HSPG2: variants seen among roughly 807,000 people sequenced by gnomAD.
HSPG2 encodes basement membrane-specific heparan sulfate proteoglycan core protein.
A neutral mutation model predicts 526.6 loss-of-function variants in HSPG2; 278 were observed. The ratio of observed to expected loss-of-function variants is 0.53; its 90% CI spans 0.48 to 0.58. HSPG2 has a LOEUF of 0.58. HSPG2 is among the 20% of genes least tolerant of loss of function. HSPG2 has a pLI of 0.00. For missense variants in HSPG2, 5,354 were observed against 6,099.5 expected (o/e 0.88, Z 4.07); for synonymous variants, 2,465 against 2,555.4 (o/e 0.96, Z 1.07).
intron 11 of HSPG2, 30 bp from the exon 12 acceptor site, chr1:21,884,948 C>G: frequency 6.2e-7 from 1 of 1,613,972 alleles, no homozygotes; most frequent in Non-Finnish European, 8.5e-7. Flanking sequence ...GTGGTAGGAT[C>G]TGGCCTAGGG....
At position 21,874,519 on chromosome 1, in the gene HSPG2, G is replaced by A. The variant is rs375029322; in HGVS notation, c.3543C>T (p.His1181=). 1.1e-4 allele frequency: 172 copies of A among 1,613,580 alleles called. No individual in the cohort carries two copies. Among genetic ancestry groups the A allele is most frequent in the Middle Eastern group, 1.7e-4 (1 of 5,860 alleles). ...ETGACQGCQH[H]TEGPRCEQCQ... is the part of the protein sequence containing the mutation. ...ACTGCTCACACCGAGGGCCCTCCGT[G>A]TGATGCTGGCAGCCCTGGAGGAGCA... Residue 1181 remains histidine (H), a synonymous_variant, in exon 28 of 97, where the codon CAC becomes CAT. Transcript: ENST00000374695.
intron 1 of HSPG2, among the ~76,000 whole-genome samples, chr1:21,922,305 G>A (rs1644062270): frequency 6.6e-6 from 1 of 152,194 alleles, no homozygotes; most frequent in Non-Finnish European, 1.5e-5. Flanking sequence ...TATGCCTCCT[G>A]CCTATGACAC....
chr1:21,855,525 T>C lies in HSPG2; in HGVS notation c.5852A>G (p.His1951Arg). The change falls in exon 46 of 97, where the codon CAT becomes CGT. Residue 1951 changes from histidine to arginine, a missense_variant and splice_region_variant. Physicochemically the swap from His to Arg is conservative, Grantham distance 29. Transcript: ENST00000374695. ...QQVARAVLHV[H>R]GGGGPRVQVS... ...CCACCCTGAGCCCGGCCTCTCACCA[T>C]GCACGTGGAGCACAGCCCTGGCCAC... 6.2e-7 allele frequency: 1 copy of C among 1,609,488 alleles called. No individual in the cohort carries two copies. The highest frequency in any genetic ancestry group is 8.5e-7 in the Non-Finnish European group (1 of 1,178,742).
At chr1:21,929,698 T>G (rs1051412619) in intron 1 of HSPG2, among the ~76,000 whole-genome samples, 1 of 151,722 alleles carries the variant, frequency 6.6e-6, no homozygotes, top group African/African-American at 2.4e-5. Context: ...CCACTCCTCC[T>G]GGAACTTTCC....
At position 21,872,724 on chromosome 1, in the gene HSPG2, G is replaced by A. The variant is rs1239258535; in HGVS notation, c.3925C>T (p.Pro1309Ser). ...VEGLTCSHCR[P>S]HHFHLSASNP... ...CTGGCACTCAGGTGGAAGTGGTGGGGCCGGCAGTGGCTGCAAGTGAGGCCT... is the reference window on the plus strand; with the variant it reads ...CTGGCACTCAGGTGGAAGTGGTGGGACCGGCAGTGGCTGCAAGTGAGGCCT... Residue 1309 changes from proline to serine, a missense_variant, in exon 32 of 97, where the codon CCC becomes TCC. Transcript: ENST00000374695. This position sits in a 1 kb window ranked among gnomAD's most constrained non-coding sequence, Gnocchi z 5.5. 1 of 1,609,448 alleles carries A rather than the reference G, an allele frequency of 6.2e-7. No homozygotes were observed. The highest frequency in any genetic ancestry group is 8.5e-7 in the Non-Finnish European group (1 of 1,178,692).
chr1:21,833,934 C>A lies in HSPG2; in HGVS notation c.10721-9G>T, dbSNP rs529544718. On this transcript the variant is annotated splice_polypyrimidine_tract_variant and intron_variant, in intron 77 of 96. Transcript: ENST00000374695. Reference sequence around the variant, plus strand: ...TGAGATCTGGGGCAAGGCTGAGAGGCATGGAAGAGACATAGGCCATCAACA... The same window carrying A: ...TGAGATCTGGGGCAAGGCTGAGAGGAATGGAAGAGACATAGGCCATCAACA... The A allele has an allele frequency of 2.6e-6, 4 of 1,559,656 alleles. No individual in the cohort carries two copies. Among genetic ancestry groups the A allele is most frequent in the East Asian group, 2.4e-5 (1 of 42,350 alleles).
Position 21,828,684 on chromosome 1 carries a change from G to A in HSPG2, c.12237+151C>T. On this transcript the variant is annotated intron_variant, in intron 88 of 96. Transcript: ENST00000374695. The surrounding 1 kb of genome is among the most constrained non-coding windows in gnomAD (Gnocchi z 6.0). ...TGATCATGCCCATTTTACAGAGGAGGAAACTGAGGCTCAGAGGTACAGTGT... is the reference window on the plus strand; with the variant it reads ...TGATCATGCCCATTTTACAGAGGAGAAAACTGAGGCTCAGAGGTACAGTGT... The A allele has an allele frequency of 8.5e-7, 1 of 1,179,238 alleles. No individual in the cohort carries two copies. Among genetic ancestry groups the A allele is most frequent in the Non-Finnish European group, 1.2e-6 (1 of 825,250 alleles). 73.0% of individuals were successfully genotyped at this position (1,179,238 alleles called of 1,614,324 possible).
chr1:21,834,570 G>GTCC, intron 77 of HSPG2, 109 bp downstream of exon 77: 1 of 1,325,872 alleles, frequency 7.5e-7, no homozygotes, highest in Non-Finnish European at 1.1e-6. Context: ...AATGGAAAAT[G>GTCC]TCCCAAGTGA....
chr1:21,830,822 CAG>C (rs767620853), intron 85 of HSPG2, 158 bp downstream of exon 85: 264 of 631,550 alleles, frequency 4.2e-4, no homozygotes, highest in Non-Finnish European at 4.8e-4. Context: ...CTTCGGGTAG[CAG>C]AGATGGGGGA....
chr1:21,825,861 C>G (rs2097971878), intron 91 of HSPG2, among the ~76,000 whole-genome samples: 1 of 152,146 alleles, frequency 6.6e-6, no homozygotes, highest in Admixed American at 6.5e-5. Context: ...TCTTGGTTCA[C>G]TACAACCCCC....
chr1:21,851,522 CCTGT>C lies in HSPG2; in HGVS notation c.7158+20_7158+23del. On this transcript the variant is annotated intron_variant, in intron 55 of 96. Coordinates refer to ENST00000374695, the MANE Select transcript of HSPG2 (RefSeq NM_005529.7). ...CCAGGGACCCGCTTCCTCTTCTTGG[CCTGT>C]CTGTCCTCCAGTCCCATACCTGGTG... 2.5e-6 allele frequency: 4 copies of C among 1,613,258 alleles called. No homozygotes were observed. The highest frequency in any genetic ancestry group is 3.4e-6 in the Non-Finnish European group (4 of 1,180,040).
chr1:21,839,329 A>G lies in HSPG2; in HGVS notation c.9889+42T>C, dbSNP rs748943619. ...GGGGTGGAGCCTAGTCGGGGGGCTCAGATCTCCATTTGGTGCAGACAAAGA... is the reference window on the plus strand; with the variant it reads ...GGGGTGGAGCCTAGTCGGGGGGCTCGGATCTCCATTTGGTGCAGACAAAGA... On this transcript the variant is annotated intron_variant, in intron 73 of 96. Transcript: ENST00000374695. The surrounding 1 kb of genome is among the most constrained non-coding windows in gnomAD (Gnocchi z 4.5). The G allele has an allele frequency of 1.9e-6, 3 of 1,598,452 alleles. No homozygotes were observed. In the African/African-American group the frequency reaches 4.0e-5, roughly 21 times the overall value.
rs947187570 is a variant in HSPG2 at position 21,937,294 on chromosome 1, G to C, written c.-77C>G. On this transcript the variant is annotated 5_prime_UTR_variant, in exon 1 of 97. Transcript: ENST00000374695. ...CGCCGCCCGCAGCCGCCCGCTCGCC[G>C]GCCAGCTCGGGACAGCGCGGCCCTC... 2.2e-5 allele frequency: 9 copies of C among 418,084 alleles called. No individual in the cohort carries two copies. Among genetic ancestry groups the C allele is most frequent in the African/African-American group, 1.9e-4 (7 of 36,042 alleles). 25.9% of individuals were successfully genotyped at this position (418,084 alleles called of 1,614,324 possible). A position where few individuals can be genotyped will look rare whatever the true frequency, so the allele number is the denominator to read the frequency against.
intron 1 of HSPG2, among the ~76,000 whole-genome samples, chr1:21,915,611 A>G (rs1309567516): frequency 2.0e-5 from 3 of 152,198 alleles, no homozygotes; most frequent in African/African-American, 7.2e-5. Context: ...GATAATGACC[A>G]CAGCAACTCC....
chr1:21,836,012 T>C (rs575297366), intron 75 of HSPG2, among the ~76,000 whole-genome samples: 167 of 151,322 alleles, frequency 1.1e-3, no homozygotes, highest in Non-Finnish European at 2.0e-3. Flanking sequence ...AAGAATGCTT[T>C]GCAATTGTGT....
chr1:21,855,843 A>G lies in HSPG2; in HGVS notation c.5645T>C (p.Leu1882Pro), dbSNP rs1639299159. 1 of 1,613,064 alleles carries G rather than the reference A, an allele frequency of 6.2e-7. No individual in the cohort carries two copies. Among genetic ancestry groups the G allele is most frequent in the African/African-American group, 1.3e-5 (1 of 74,928 alleles). Residue 1882 changes from leucine (L) to proline (P), a missense_variant, in exon 45 of 97, where the codon CTG becomes CCG. Leu to Pro is a moderately conservative substitution (Grantham distance 98). Transcript: ENST00000374695. Reference sequence around the variant, plus strand: ...TGTGGCGCTGCAGCGGAACTCCGCCAGTTGCCCGGGCTGCACTGTGAGCTG... The same window carrying G: ...TGTGGCGCTGCAGCGGAACTCCGCCGGTTGCCCGGGCTGCACTGTGAGCTG... ...PPQLTVQPGQ[L>P]AEFRCSATGS...
Position 21,855,583 on chromosome 1 carries a change from A to G in HSPG2, c.5794T>C (p.Leu1932=), listed in dbSNP as rs1028890268. Residue 1932 remains leucine, a synonymous_variant, in exon 46 of 97, where the codon TTG becomes CTG. Transcript: ENST00000374695. ...AVEPTDQAQY[L]CRAHSSAGQQ... ...CCAGCGCTGCTGTGGGCTCGGCACA[A>G]GTACTGGGCCTGATCCGTGGGCTCG... The G allele has an allele frequency of 7.5e-6, 12 of 1,593,668 alleles. No individual in the cohort carries two copies. Among genetic ancestry groups the G allele is most frequent in the Middle Eastern group, 1.6e-4 (1 of 6,068 alleles).
chr1:21,894,094 G>A (rs1177090438), intron 3 of HSPG2, among the ~76,000 whole-genome samples: 2 of 152,074 alleles, frequency 1.3e-5, no homozygotes, highest in Admixed American at 6.5e-5. Context: ...GGGCATGGGG[G>A]AAGACAGAAA....
chr1:21,848,304 C>A lies in HSPG2; in HGVS notation c.7738-211G>T, dbSNP rs1166156304. ...CACCCCTCCAGAAAGCCTGTTAAGG[C>A]CCTCCGGAGTGTTGACACAGTATCC... is the stretch of plus-strand genomic sequence containing the variant. On this transcript the variant is annotated intron_variant, in intron 59 of 96. Coordinates refer to ENST00000374695, the MANE Select transcript of HSPG2 (RefSeq NM_005529.7). This position sits in a 1 kb window ranked among gnomAD's most constrained non-coding sequence, Gnocchi z 4.9. Among the ~76,000 whole-genome samples the A allele has an allele frequency of 6.6e-6, 1 of 152,150 alleles. No individual in the cohort carries two copies. Among genetic ancestry groups the A allele is most frequent in the Non-Finnish European group, 1.5e-5 (1 of 68,026 alleles).
Sources: allele counts gnomAD v4.1 joint callset (sites outside exome capture counted in the v4.1 genomes callset), GRCh38; gene constraint gnomAD v4.1.1; non-coding constraint Gnocchi (gnomAD v3.1); transcripts MANE v1.5; gene names NCBI Gene and HGNC (gene_info 2026-07-23, HGNC 2026-07-21).